ZNF605: variants seen among roughly 807,000 people sequenced by gnomAD.
ZNF605 encodes the protein zinc finger protein 605.
Under a neutral mutation model 7.9 loss-of-function variants are expected in ZNF605, and 9 were observed. The ratio of observed to expected loss-of-function variants is 1.14; its 90% CI spans 0.68 to 1.98. The LOEUF is 1.98. ZNF605 is among the 30% of genes most tolerant of loss of function. The pLI is 0.00. For synonymous variants in ZNF605, 255 were observed against 260.1 expected, an observed-to-expected ratio of 0.98 and a Z score of 0.19; for missense variants, 673 against 762.4, an observed-to-expected ratio of 0.88 and a Z score of 1.38.
chr12:132,940,018 C>A (rs1214023198), intron 3 of ZNF605, among the ~76,000 whole-genome samples: 1 of 152,184 alleles, frequency 6.6e-6, no homozygotes, highest in African/African-American at 2.4e-5. Flanking sequence ...GGGACAGACT[C>A]CAGACGCGCC....
intron 3 of ZNF605, among the ~76,000 whole-genome samples, chr12:132,942,620 G>A (rs1952454787): frequency 2.0e-5 from 3 of 152,172 alleles, no homozygotes; most frequent in Admixed American, 6.5e-5. Flanking sequence ...GTGCGTGCCC[G>A]GCTGGGGCAC....
chr12:132,940,686 C>G (rs1952427152), intron 3 of ZNF605, among the ~76,000 whole-genome samples: 1 of 152,166 alleles, frequency 6.6e-6, no homozygotes, highest in Non-Finnish European at 1.5e-5. Flanking sequence ...GGCCGCCGGC[C>G]AGCCTCAGAC....
In ZNF605 at chr12:132,925,634, G is replaced by A. The variant is rs1259823366; in HGVS notation, c.1665C>T (p.His555=). The A allele has an allele frequency of 6.2e-7, 1 of 1,614,146 alleles. No homozygotes were observed. Among genetic ancestry groups the A allele is most frequent in the Admixed American group, 1.7e-5 (1 of 60,022 alleles). The change falls in exon 5 of 5, where the codon CAC becomes CAT. Residue 555 remains histidine, a synonymous_variant. Coordinates refer to ENST00000360187, the MANE Select transcript of ZNF605 (RefSeq NM_183238.4). ...KVQLIKHQRN[H]TGEKTYGCSD... ...TGCATCCATAGGTTTTCTCTCCTGT[G>A]TGATTTCTTTGATGCTTAATGAGCT...
chr12:132,953,718 C>A (rs1952599655), intron 1 of ZNF605, among the ~76,000 whole-genome samples: 1 of 152,046 alleles, frequency 6.6e-6, no homozygotes, highest in Non-Finnish European at 1.5e-5. Context: ...AGCCACGGTG[C>A]CCAGCTAAGG....
At chr12:132,932,869 G>T in intron 4 of ZNF605, 166 bp downstream of exon 4, 1 of 1,384,484 alleles carries the variant, frequency 7.2e-7, no homozygotes, top group South Asian at 1.4e-5. Flanking sequence ...TAAATATGTA[G>T]AATGTTTTAT....
At chr12:132,934,145 G>C (rs1258607760) in intron 3 of ZNF605, among the ~76,000 whole-genome samples, 1 of 151,978 alleles carries the variant, frequency 6.6e-6, no homozygotes, top group African/African-American at 2.4e-5. Flanking sequence ...TGGGGGTGGT[G>C]GTGGGCACCT....
At chr12:132,952,014 C>A (rs999762891) in intron 1 of ZNF605, among the ~76,000 whole-genome samples, 5 of 151,982 alleles carry the variant, frequency 3.3e-5, no homozygotes, top group African/African-American at 1.2e-4. Flanking sequence ...TTACTCGCTA[C>A]GAAAGCAGCA....
intron 2 of ZNF605, among the ~76,000 whole-genome samples, chr12:132,947,727 A>C (rs770992): frequency 0.42 from 63,190 of 151,898 alleles, 14,414 homozygotes; most frequent in Middle Eastern, 0.56. Flanking sequence ...AGGCCAAATA[A>C]TCAGGTAACT....
intron 1 of ZNF605, among the ~76,000 whole-genome samples, chr12:132,948,878 C>T: frequency 6.6e-6 from 1 of 152,064 alleles, no homozygotes; most frequent in Non-Finnish European, 1.5e-5. Flanking sequence ...GCAGCAGCCA[C>T]ACCTGCAGGG....
At chr12:132,943,914 C>T (rs1008083147) in intron 3 of ZNF605, among the ~76,000 whole-genome samples, 5 of 152,130 alleles carry the variant, frequency 3.3e-5, no homozygotes, top group South Asian at 2.1e-4. Context: ...TAGATGTTTA[C>T]GGTTAAGGGA....
chr12:132,943,549 C>G (rs1358379942), intron 3 of ZNF605, among the ~76,000 whole-genome samples: 1 of 151,972 alleles, frequency 6.6e-6, no homozygotes, highest in African/African-American at 2.4e-5. Flanking sequence ...CCCTTCTTAC[C>G]CAGGCACCTG....
At chr12:132,950,164 G>A (rs1319046959) in intron 1 of ZNF605, among the ~76,000 whole-genome samples, 4 of 151,982 alleles carry the variant, frequency 2.6e-5, no homozygotes, top group African/African-American at 7.2e-5. Context: ...CTGCCCTCCC[G>A]GAAGCTTCGA....
intron 2 of ZNF605, among the ~76,000 whole-genome samples, chr12:132,946,881 G>A (rs991013447): frequency 2.6e-5 from 4 of 152,106 alleles, no homozygotes; most frequent in South Asian, 2.1e-4. Context: ...CAGACCACGT[G>A]GGGGAGCAGC....
rs1044776144 is a variant in ZNF605 at position 132,921,737 on chromosome 12, A to C, written c.*3636T>G. ...AATGCAAATCCAAGTGAAAGGAAAAAGCACTACTGTGAAGCCTAACGGCAA... is the reference window on the plus strand; with the variant it reads ...AATGCAAATCCAAGTGAAAGGAAAACGCACTACTGTGAAGCCTAACGGCAA... On this transcript the variant is annotated 3_prime_UTR_variant, in exon 5 of 5. Transcript: ENST00000360187. The C allele has an allele frequency of 1.3e-5, 2 of 152,248 alleles. No individual in the cohort carries two copies. The highest frequency in any genetic ancestry group is 2.9e-5 in the Non-Finnish European group (2 of 68,042). 9.4% of individuals were successfully genotyped at this position (152,248 alleles called of 1,614,324 possible).
chr12:132,935,234 G>C (rs1952352594), intron 3 of ZNF605, among the ~76,000 whole-genome samples: 1 of 152,082 alleles, frequency 6.6e-6, no homozygotes, highest in African/African-American at 2.4e-5. Context: ...GGGACTAATA[G>C]GTTATTTTCC....
chr12:132,928,514 C>A (rs1009550696), intron 4 of ZNF605, among the ~76,000 whole-genome samples: 5 of 152,178 alleles, frequency 3.3e-5, no homozygotes, highest in Non-Finnish European at 5.9e-5. Flanking sequence ...GAAATTACTC[C>A]TAACCACAAT....
At chr12:132,955,814 C>T (rs1355128676) in intron 1 of ZNF605, among the ~76,000 whole-genome samples, 1 of 152,030 alleles carries the variant, frequency 6.6e-6, no homozygotes, top group African/African-American at 2.4e-5. Context: ...GCAGACAAAT[C>T]CTCCACACGG....
At chr12:132,937,447 A>AAATT (rs1952379967) in intron 3 of ZNF605, among the ~76,000 whole-genome samples, 1 of 152,098 alleles carries the variant, frequency 6.6e-6, no homozygotes, top group Non-Finnish European at 1.5e-5. Flanking sequence ...AGGTGAATGC[A>AAATT]AATTAAAACT....
rs989770760 is a variant in ZNF605 at position 132,926,543 on chromosome 12, C to T, written c.756G>A (p.Pro252=). Reference sequence around the variant, plus strand: ...CTTTTCCACATTCACTGCATCCATACGGCTTCTCTCCAGTATGAATTCTCT... The same window carrying T: ...CTTTTCCACATTCACTGCATCCATATGGCTTCTCTCCAGTATGAATTCTCT... ...LHQRIHTGEK[P]YGCSECGKAF... The change falls in exon 5 of 5, where the codon CCG becomes CCA. Residue 252 remains proline, a synonymous_variant. Transcript: ENST00000360187. The T allele has an allele frequency of 6.0e-5, 97 of 1,614,076 alleles. No individual in the cohort carries two copies. Among genetic ancestry groups the T allele is most frequent in the Non-Finnish European group, 7.0e-5 (83 of 1,180,016 alleles).
Sources: gnomAD v4.1 joint callset for allele counts (sites outside exome capture counted in the v4.1 genomes callset) on GRCh38, gnomAD v4.1.1 for gene constraint, MANE v1.5 for transcripts, NCBI Gene and HGNC (gene_info 2026-07-23, HGNC 2026-07-21) for gene names.